SFRP1: variants seen among roughly 807,000 people sequenced by gnomAD.
SFRP1 encodes the protein secreted frizzled related protein 1.
A neutral mutation model predicts 25.9 loss-of-function variants in SFRP1; 9 were observed. The observed-to-expected ratio is 0.35, with a 90% confidence interval of 0.21 to 0.61. SFRP1 has a LOEUF of 0.61. Among genes scored for constraint, SFRP1 ranks in the 20% least tolerant of loss-of-function variants. SFRP1 has a pLI of 0.78. For missense variants in SFRP1, 346 were observed against 418.2 expected, an observed-to-expected ratio of 0.83 and a Z score of 1.51; for synonymous variants, 178 against 174.0, an observed-to-expected ratio of 1.02 and a Z score of -0.18.
chr8:41,281,237 G>A (rs1036537657), intron 2 of SFRP1, among the ~76,000 whole-genome samples: 40 of 152,170 alleles, frequency 2.6e-4, no homozygotes, highest in Non-Finnish European at 4.4e-4. Context: ...GTTTGCATCA[G>A]GGGTGCTGAT....
chr8:41,305,088 G>T (rs1463451110), intron 1 of SFRP1, among the ~76,000 whole-genome samples: 1 of 152,218 alleles, frequency 6.6e-6, no homozygotes, highest in Non-Finnish European at 1.5e-5. Flanking sequence ...GGAAAAGGAA[G>T]TGTGACAATA....
chr8:41,287,301 C>T (rs1194556464), intron 2 of SFRP1, among the ~76,000 whole-genome samples: 1 of 152,246 alleles, frequency 6.6e-6, no homozygotes, highest in Non-Finnish European at 1.5e-5. Context: ...CTGGGAATGA[C>T]AGGCGTGCCA....
At chr8:41,275,780 TTTG>T (rs1303351203) in intron 2 of SFRP1, among the ~76,000 whole-genome samples, 1 of 152,100 alleles carries the variant, frequency 6.6e-6, no homozygotes, top group African/African-American at 2.4e-5. Flanking sequence ...AGGGTCTCAC[TTTG>T]TCGCCCAGGC....
intron 2 of SFRP1, among the ~76,000 whole-genome samples, chr8:41,294,300 A>C (rs1239043103): frequency 1.3e-5 from 2 of 152,176 alleles, no homozygotes; most frequent in African/African-American, 4.8e-5. Context: ...GCCATAAGCC[A>C]TTCCCCAAAG....
At chr8:41,269,359 C>T (rs987349728) in intron 2 of SFRP1, among the ~76,000 whole-genome samples, 5 of 152,072 alleles carry the variant, frequency 3.3e-5, no homozygotes, top group African/African-American at 1.2e-4. Context: ...ATTCAGAGAC[C>T]CAGAAACTTT....
intron 2 of SFRP1, among the ~76,000 whole-genome samples, chr8:41,290,142 G>A (rs1292382221): frequency 6.6e-6 from 1 of 152,196 alleles, no homozygotes; most frequent in Non-Finnish European, 1.5e-5. Context: ...GGCAAACACA[G>A]ACACAAACAC....
chr8:41,283,446 C>T (rs1427786239), intron 2 of SFRP1, among the ~76,000 whole-genome samples: 1 of 152,056 alleles, frequency 6.6e-6, no homozygotes, highest in Non-Finnish European at 1.5e-5. Flanking sequence ...TTCAGCCATG[C>T]TCAAGATTTA....
At position 41,265,201 on chromosome 8, in the gene SFRP1, T is replaced by C; in HGVS notation, c.911A>G (p.His304Arg). 1.4e-6 allele frequency: 2 copies of C among 1,392,760 alleles called. No homozygotes were observed. The highest frequency in any genetic ancestry group is 1.9e-6 in the Non-Finnish European group (2 of 1,042,146). 86.3% of individuals were successfully genotyped at this position (1,392,760 alleles called of 1,614,324 possible). A position where few individuals can be genotyped will look rare whatever the true frequency, so the allele number is the denominator to read the frequency against. ...CACGGACTGAAAGGTGGGGCACTCA[T>C]GGTTTTTCATTTTCTTCATGAAGTT... is the stretch of plus-strand genomic sequence containing the variant. The part of the protein sequence containing the change: ...FKNFMKKMKN[H>R]ECPTFQSVFK Residue 304 changes from histidine (H) to arginine (R), a missense_variant, in exon 3 of 3, where the codon CAT becomes CGT. Transcript: ENST00000220772.
chr8:41,266,024 C>T (rs952525585), intron 2 of SFRP1, among the ~76,000 whole-genome samples: 1 of 152,054 alleles, frequency 6.6e-6, no homozygotes, highest in Non-Finnish European at 1.5e-5. Context: ...AAATTAGCCA[C>T]ACATGGTGGC....
intron 2 of SFRP1, among the ~76,000 whole-genome samples, chr8:41,280,177 A>T (rs944098166): frequency 1.4e-4 from 21 of 152,270 alleles, no homozygotes; most frequent in African/African-American, 5.1e-4. Flanking sequence ...GAGCTCATAC[A>T]GTTTTCCTTT....
intron 2 of SFRP1, among the ~76,000 whole-genome samples, chr8:41,297,446 C>T (rs1803857710): frequency 6.6e-6 from 1 of 152,202 alleles, no homozygotes. Flanking sequence ...ATTCTTCTTC[C>T]TAAAAAACTT....
chr8:41,297,823 G>A (rs574711281), intron 2 of SFRP1, among the ~76,000 whole-genome samples: 15 of 151,562 alleles, frequency 9.9e-5, no homozygotes, highest in South Asian at 6.3e-4. Flanking sequence ...AGCTCCTTCC[G>A]TGTGCTGGGC....
chr8:41,270,491 A>AG (rs1803490130), intron 2 of SFRP1, among the ~76,000 whole-genome samples: 1 of 152,128 alleles, frequency 6.6e-6, no homozygotes. Flanking sequence ...CCAGTAAAAA[A>AG]CAAGCCCATT....
chr8:41,283,584 T>C (rs1056831826), intron 2 of SFRP1, among the ~76,000 whole-genome samples: 2 of 98,026 alleles, frequency 2.0e-5, no homozygotes, highest in African/African-American at 7.7e-5. Flanking sequence ...TCCAACTTTC[T>C]TTTTTTTTTT....
At chr8:41,287,912 G>A (rs1803725525) in intron 2 of SFRP1, among the ~76,000 whole-genome samples, 1 of 152,190 alleles carries the variant, frequency 6.6e-6, no homozygotes, top group South Asian at 2.1e-4. Flanking sequence ...AACTGGGACT[G>A]GCCGCCACAG....
chr8:41,292,220 G>A (rs1408102240), intron 2 of SFRP1, among the ~76,000 whole-genome samples: 2 of 152,170 alleles, frequency 1.3e-5, no homozygotes, highest in African/African-American at 2.4e-5. Context: ...GGAGACAGCT[G>A]CAGAATTCTT....
At chr8:41,266,307 C>G (rs904564874) in intron 2 of SFRP1, among the ~76,000 whole-genome samples, 2 of 152,154 alleles carry the variant, frequency 1.3e-5, no homozygotes, top group African/African-American at 4.8e-5. Flanking sequence ...TCACATTGCT[C>G]TTTTTAAAAA....
At chr8:41,304,795 C>T (rs1025383852) in intron 1 of SFRP1, among the ~76,000 whole-genome samples, 1 of 152,180 alleles carries the variant, frequency 6.6e-6, no homozygotes, top group African/African-American at 2.4e-5. Context: ...CCACTCCCTA[C>T]TTCCAAACAG....
At chr8:41,286,775 G>A (rs911383650) in intron 2 of SFRP1, among the ~76,000 whole-genome samples, 1 of 152,192 alleles carries the variant, frequency 6.6e-6, no homozygotes, top group Non-Finnish European at 1.5e-5. Flanking sequence ...CGCTGCTGGT[G>A]ACCTAAAGAG....
Sources: allele counts gnomAD v4.1 joint callset (sites outside exome capture counted in the v4.1 genomes callset), GRCh38; gene constraint gnomAD v4.1.1; transcripts MANE v1.5; gene names NCBI Gene and HGNC (gene_info 2026-07-23, HGNC 2026-07-21).